The following SH3GL3 variants were observed in gnomAD, a reference collection of about 807,000 sequenced individuals.
SH3GL3 encodes endophilin-A3.
A neutral mutation model predicts 47.7 loss-of-function variants in SH3GL3; 33 were observed. That is an observed-to-expected ratio of 0.69 (90% CI 0.52 to 0.92). The LOEUF (loss-of-function observed/expected upper bound fraction) is 0.92. Ranked by LOEUF, SH3GL3 falls within the 40% of genes least tolerant of loss-of-function variation. The pLI is 0.00. For missense variants in SH3GL3, 363 were observed against 417.8 expected, an observed-to-expected ratio of 0.87 and a Z score of 1.14; for synonymous variants, 155 against 148.8, an observed-to-expected ratio of 1.04 and a Z score of -0.30.
chr15:83,566,363 AGAGTGTGTGTGTGTGTGTGTGTGT>A (rs1227579762), intron 3 of SH3GL3, among the ~76,000 whole-genome samples: 2 of 128,260 alleles, frequency 1.6e-5, no homozygotes, highest in Non-Finnish European at 3.3e-5. Context: ...AGAGAGAGAG[AGAGTGTGTGTGTGTGTGTGTGTGT>A]GTGTGTGTGT....
intron 1 of SH3GL3, among the ~76,000 whole-genome samples, chr15:83,496,229 C>A (rs533685992): frequency 6.6e-6 from 1 of 151,536 alleles, no homozygotes; most frequent in Admixed American, 6.6e-5. Flanking sequence ...TGGTGGTGCA[C>A]GTGCCTGTAG....
chr15:83,486,766 A>G (rs2041614273), intron 1 of SH3GL3, among the ~76,000 whole-genome samples: 1 of 152,122 alleles, frequency 6.6e-6, no homozygotes, highest in Non-Finnish European at 1.5e-5. Flanking sequence ...TAAATAACAG[A>G]TGTTTATTTT....
chr15:83,462,973 A>G (rs567766707), intron 1 of SH3GL3, among the ~76,000 whole-genome samples: 3 of 152,288 alleles, frequency 2.0e-5, no homozygotes, highest in East Asian at 1.9e-4. Flanking sequence ...AGGCTGATCA[A>G]TCTTTCTCCA....
intron 1 of SH3GL3, among the ~76,000 whole-genome samples, chr15:83,515,980 C>T (rs1309275416): frequency 6.6e-6 from 1 of 152,072 alleles, no homozygotes; most frequent in Non-Finnish European, 1.5e-5. Context: ...AGTTTTCAGA[C>T]TCTAATGCAA....
chr15:83,626,588 C>T, the SH3GL3 span, among the ~76,000 whole-genome samples: 5 of 152,294 alleles, frequency 3.3e-5, 1 homozygote, highest in East Asian at 9.6e-4. Flanking sequence ...TTATCTTTTG[C>T]CTTACTTCTC....
intron 1 of SH3GL3, among the ~76,000 whole-genome samples, chr15:83,484,111 AT>A (rs1414726546): frequency 6.6e-6 from 1 of 152,212 alleles, no homozygotes; most frequent in Non-Finnish European, 1.5e-5. Context: ...GCAATCTCAA[AT>A]GACCCTCTTT....
chr15:83,572,083 A>G (rs1319561358), intron 4 of SH3GL3, among the ~76,000 whole-genome samples: 1 of 152,252 alleles, frequency 6.6e-6, no homozygotes, highest in Non-Finnish European at 1.5e-5. Context: ...AGAACCTTCT[A>G]GAAGGATACG....
At chr15:83,522,294 T>C (rs940589156) in intron 1 of SH3GL3, among the ~76,000 whole-genome samples, 4 of 152,184 alleles carry the variant, frequency 2.6e-5, no homozygotes, top group Non-Finnish European at 5.9e-5. Flanking sequence ...GATCACTTCG[T>C]TCAAGCAGAT....
intron 3 of SH3GL3, among the ~76,000 whole-genome samples, chr15:83,566,547 T>C (rs2045557360): frequency 1.3e-5 from 2 of 152,154 alleles, no homozygotes; most frequent in Non-Finnish European, 2.9e-5. Flanking sequence ...GGCCAAGGCA[T>C]GATGATTGCT....
chr15:83,486,427 C>CA (rs1471180378), intron 1 of SH3GL3, among the ~76,000 whole-genome samples: 4 of 152,170 alleles, frequency 2.6e-5, no homozygotes, highest in African/African-American at 9.6e-5. Context: ...TCCTGGGAAT[C>CA]ACTAATTATC....
intron 1 of SH3GL3, among the ~76,000 whole-genome samples, chr15:83,515,835 ATG>A (rs1489565877): frequency 6.6e-6 from 1 of 152,180 alleles, no homozygotes; most frequent in Non-Finnish European, 1.5e-5. Context: ...GATGTTCTCA[ATG>A]TGTTTTCACA....
At chr15:83,456,934 G>A (rs1283920182) in intron 1 of SH3GL3, among the ~76,000 whole-genome samples, 2 of 152,184 alleles carry the variant, frequency 1.3e-5, no homozygotes, top group Admixed American at 6.5e-5. Context: ...TGTAGCTTGA[G>A]CTATTATAAA....
rs574988626 is a variant in SH3GL3 at position 83,494,322 on chromosome 15, G to T, written c.45+46744G>T. On this transcript the variant is annotated intron_variant, in intron 1 of 8. Transcript: ENST00000427482. ...GGGTGAGGGTGGCCATGGAGAACCT[G>T]CAGGCTGAAGATCTTTTATATTTGG... Among the ~76,000 whole-genome samples, 4 of 152,308 alleles carry T rather than the reference G, an allele frequency of 2.6e-5. No homozygotes were observed. The South Asian group carries it at 6.2e-4, about 24-fold the overall frequency.
At chr15:83,474,243 G>T (rs1464171656) in intron 1 of SH3GL3, among the ~76,000 whole-genome samples, 1 of 152,124 alleles carries the variant, frequency 6.6e-6, no homozygotes, top group African/African-American at 2.4e-5. Context: ...CATAGTAGTT[G>T]TGTAGTAATT....
chr15:83,450,294 A>G (rs2039675258), intron 1 of SH3GL3, among the ~76,000 whole-genome samples: 1 of 152,222 alleles, frequency 6.6e-6, no homozygotes, highest in African/African-American at 2.4e-5. Flanking sequence ...AGTGATACGA[A>G]TATGTCTCTG....
At chr15:83,620,603 A>C (rs2060912704), downstream of SH3GL3, among the ~76,000 whole-genome samples, 1 of 152,240 alleles carries the variant, frequency 6.6e-6, no homozygotes, top group South Asian at 2.1e-4. Context: ...TAGGCTTAAA[A>C]TATTTAGTAA....
At chr15:83,563,384 A>G (rs991783565) in intron 2 of SH3GL3, among the ~76,000 whole-genome samples, 2 of 152,156 alleles carry the variant, frequency 1.3e-5, no homozygotes, top group Non-Finnish European at 2.9e-5. Context: ...GTGTTTCTAA[A>G]AGGACAAATC....
intron 1 of SH3GL3, among the ~76,000 whole-genome samples, chr15:83,485,983 C>A (rs1051562479): frequency 1.3e-5 from 2 of 152,226 alleles, no homozygotes; most frequent in African/African-American, 4.8e-5. Flanking sequence ...AGCATTTTAA[C>A]AGACCACGTA....
intron 8 of SH3GL3, among the ~76,000 whole-genome samples, chr15:83,606,403 A>C (rs977243450): frequency 4.6e-5 from 7 of 152,264 alleles, no homozygotes; most frequent in Admixed American, 2.0e-4. Flanking sequence ...TGAAATGTGA[A>C]GTTTGAAAAT....
Sources: gnomAD v4.1 joint callset for allele counts (sites outside exome capture counted in the v4.1 genomes callset) on GRCh38, gnomAD v4.1.1 for gene constraint, MANE v1.5 for transcripts, NCBI Gene and HGNC (gene_info 2026-07-23, HGNC 2026-07-21) for gene names.